The following CFAP96 variants were observed in gnomAD, a reference collection of about 807,000 sequenced individuals.
CFAP96 encodes the protein cilia and flagella associated protein 96.
the CFAP96 span, chr4:185,436,169 A>G: frequency 3.9e-6 from 6 of 1,550,890 alleles, no homozygotes; most frequent in Non-Finnish European, 5.2e-6. Context: ...CGGGAAAGAA[A>G]GGAACTGGAT....
chr4:185,448,321 A>G, the CFAP96 span, among the ~76,000 whole-genome samples: 1 of 152,206 alleles, frequency 6.6e-6, no homozygotes, highest in Non-Finnish European at 1.5e-5. Context: ...GGCGTGAGCC[A>G]CTGCGCCCGG....
the CFAP96 span, among the ~76,000 whole-genome samples, chr4:185,425,673 T>C: frequency 6.6e-6 from 1 of 151,916 alleles, no homozygotes; most frequent in African/African-American, 2.4e-5. Context: ...GGGTGCACAC[T>C]TGTGTAGGGC....
the CFAP96 span, among the ~76,000 whole-genome samples, chr4:185,409,792 G>A: frequency 5.3e-5 from 8 of 152,304 alleles, no homozygotes; most frequent in South Asian, 1.7e-3. Context: ...TGCCCTAAAT[G>A]CAATCACATA....
At chr4:185,414,170 G>A in the CFAP96 span, among the ~76,000 whole-genome samples, 1 of 152,188 alleles carries the variant, frequency 6.6e-6, no homozygotes, top group Non-Finnish European at 1.5e-5. Context: ...AACATAGTCT[G>A]TTAAAATACA....
At chr4:185,415,432 T>C in the CFAP96 span, 1 of 1,174,184 alleles carries the variant, frequency 8.5e-7, no homozygotes, top group Non-Finnish European at 1.1e-6. Flanking sequence ...ATCCTTAGTA[T>C]AGTAAAAAAC....
At chr4:185,421,903 A>G in the CFAP96 span, among the ~76,000 whole-genome samples, 1 of 152,148 alleles carries the variant, frequency 6.6e-6, no homozygotes, top group Non-Finnish European at 1.5e-5. Flanking sequence ...GACTCAGCCA[A>G]ATGCCTGTTG....
the CFAP96 span, among the ~76,000 whole-genome samples, chr4:185,434,830 C>T: frequency 6.6e-6 from 1 of 152,090 alleles, no homozygotes; most frequent in Non-Finnish European, 1.5e-5. Flanking sequence ...TCTCCGCCTC[C>T]CAGGTTCAAG....
At chr4:185,426,784 C>A in the CFAP96 span, among the ~76,000 whole-genome samples, 3 of 150,244 alleles carry the variant, frequency 2.0e-5, no homozygotes, top group Non-Finnish European at 2.9e-5. Flanking sequence ...GTAATCCCAG[C>A]ACTTTGGGAG....
the CFAP96 span, among the ~76,000 whole-genome samples, chr4:185,434,824 C>T: frequency 1.3e-5 from 2 of 152,046 alleles, no homozygotes; most frequent in Non-Finnish European, 2.9e-5. Context: ...CTGCAATCTC[C>T]GCCTCCCAGG....
the CFAP96 span, among the ~76,000 whole-genome samples, chr4:185,428,941 GTATT>G: frequency 6.6e-6 from 1 of 152,076 alleles, no homozygotes; most frequent in Non-Finnish European, 1.5e-5. Flanking sequence ...TGAAATCATT[GTATT>G]TAAACTGTAA....
At chr4:185,416,039 C>G in the CFAP96 span, 1 of 486,366 alleles carries the variant, frequency 2.1e-6, no homozygotes, top group Non-Finnish European at 3.5e-6. Flanking sequence ...CAATCTGTAA[C>G]TGGCTGTGAA....
the CFAP96 span, among the ~76,000 whole-genome samples, chr4:185,414,712 C>G: frequency 4.6e-5 from 7 of 152,130 alleles, no homozygotes; most frequent in Non-Finnish European, 7.4e-5. Context: ...TCTAATAAAG[C>G]CCAAATAACC....
the CFAP96 span, among the ~76,000 whole-genome samples, chr4:185,414,637 C>T: frequency 6.6e-6 from 1 of 152,198 alleles, no homozygotes; most frequent in Non-Finnish European, 1.5e-5. Flanking sequence ...AAAAGATGCA[C>T]TCCAAAACCA....
At chr4:185,436,325 C>A in the CFAP96 span, 1 of 1,550,812 alleles carries the variant, frequency 6.4e-7, no homozygotes, top group South Asian at 1.2e-5. Context: ...TCACACTCTG[C>A]CGACTTCTAT....
chr4:185,447,562 T>C, the CFAP96 span, among the ~76,000 whole-genome samples: 2 of 152,354 alleles, frequency 1.3e-5, no homozygotes, highest in South Asian at 2.1e-4. Context: ...AAGTTTTTTC[T>C]TGAGCACTTG....
the CFAP96 span, among the ~76,000 whole-genome samples, chr4:185,448,128 C>G: frequency 2.4e-4 from 37 of 152,228 alleles, no homozygotes; most frequent in African/African-American, 8.7e-4. Context: ...TCAAGCAACT[C>G]TCCTGTCTCA....
chr4:185,440,651 C>G, the CFAP96 span: 1 of 1,513,028 alleles, frequency 6.6e-7, no homozygotes, highest in South Asian at 1.2e-5. Context: ...ATCTTTACCA[C>G]CAATTAAAAA....
chr4:185,425,481 T>C, the CFAP96 span, among the ~76,000 whole-genome samples: 84 of 152,184 alleles, frequency 5.5e-4, no homozygotes, highest in Non-Finnish European at 1.0e-3. Flanking sequence ...TGCTGAGCAA[T>C]GAGACAGGAG....
At chr4:185,427,787 G>A in the CFAP96 span, among the ~76,000 whole-genome samples, 5 of 142,104 alleles carry the variant, frequency 3.5e-5, no homozygotes, top group Non-Finnish European at 7.7e-5. Flanking sequence ...ATAAATTTAA[G>A]GTAAAAGGTT....
Sources: gnomAD v4.1 joint callset for allele counts (sites outside exome capture counted in the v4.1 genomes callset) on GRCh38, gnomAD v4.1.1 for gene constraint, MANE v1.5 for transcripts, NCBI Gene and HGNC (gene_info 2026-07-23, HGNC 2026-07-21) for gene names.